ARHGAP26: variants seen among roughly 807,000 people sequenced by gnomAD.
ARHGAP26 encodes Rho GTPase activating protein 26.
In ARHGAP26, 38 loss-of-function variants were observed where a neutral mutation model predicts 104.8. The observed-to-expected ratio is 0.36, with a 90% CI of 0.28 to 0.48. The LOEUF is 0.48. Ranked by LOEUF, ARHGAP26 falls within the 20% of genes least tolerant of loss-of-function variation. The pLI, the probability that ARHGAP26 is intolerant of heterozygous loss-of-function variation, is 0.99. For synonymous variants in ARHGAP26, 341 were observed against 340.0 expected (o/e 1.00, Z -0.03); for missense variants, 704 against 947.9 (o/e 0.74, Z 3.38).
chr5:142,864,207 TGTCA>T (rs1753856075), intron 1 of ARHGAP26, among the ~76,000 whole-genome samples: 1 of 152,240 alleles, frequency 6.6e-6, no homozygotes, highest in East Asian at 1.9e-4. Context: ...CTGTGAACGC[TGTCA>T]GTCTCTTGTG....
At chr5:142,990,365 T>C (rs1598511221) in intron 11 of ARHGAP26, among the ~76,000 whole-genome samples, 2 of 152,328 alleles carry the variant, frequency 1.3e-5, no homozygotes, top group African/African-American at 2.4e-5. Flanking sequence ...CTAATCTTTT[T>C]TCAAGGTTTT....
chr5:142,942,798 G>A (rs1766555545), intron 11 of ARHGAP26, among the ~76,000 whole-genome samples: 1 of 151,990 alleles, frequency 6.6e-6, no homozygotes, highest in Non-Finnish European at 1.5e-5. Context: ...TTGTTGTTTT[G>A]GAGACAGAGT....
chr5:142,809,657 A>G (rs1031560532), intron 1 of ARHGAP26, among the ~76,000 whole-genome samples: 3 of 152,216 alleles, frequency 2.0e-5, no homozygotes, highest in African/African-American at 7.2e-5. Flanking sequence ...TTTCAAGCAG[A>G]TAGAGAGAAA....
chr5:143,057,383 C>T (rs1785981224), intron 16 of ARHGAP26, among the ~76,000 whole-genome samples: 1 of 152,126 alleles, frequency 6.6e-6, no homozygotes, highest in Non-Finnish European at 1.5e-5. Flanking sequence ...AGTTGACTGG[C>T]TCCATTTCAT....
chr5:143,088,299 C>T (rs894782158), intron 17 of ARHGAP26, among the ~76,000 whole-genome samples: 14 of 152,256 alleles, frequency 9.2e-5, no homozygotes, highest in Middle Eastern at 6.8e-3. Context: ...TCTTTGCTCA[C>T]GCTTTTGTTT....
intron 11 of ARHGAP26, among the ~76,000 whole-genome samples, chr5:142,966,290 C>T (rs1056939623): frequency 4.6e-5 from 7 of 152,146 alleles, no homozygotes; most frequent in Admixed American, 2.0e-4. Flanking sequence ...TTTGGAATTC[C>T]GTGACTAATT....
intron 1 of ARHGAP26, among the ~76,000 whole-genome samples, chr5:142,779,262 G>A (rs1372447831): frequency 2.0e-5 from 3 of 152,212 alleles, no homozygotes; most frequent in African/African-American, 7.2e-5. Context: ...AGAGGAAATG[G>A]TAAGGAAAAC....
intron 18 of ARHGAP26, among the ~76,000 whole-genome samples, chr5:143,133,129 C>T (rs1361602701): frequency 1.3e-5 from 2 of 151,994 alleles, no homozygotes; most frequent in African/African-American, 4.8e-5. Context: ...ATACTTTTAT[C>T]TGTAGAAATA....
intron 11 of ARHGAP26, among the ~76,000 whole-genome samples, chr5:143,006,788 C>G (rs1404881794): frequency 6.6e-6 from 1 of 152,176 alleles, no homozygotes; most frequent in Non-Finnish European, 1.5e-5. Context: ...GCTTCAGATT[C>G]AAACAATTCC....
intron 12 of ARHGAP26, among the ~76,000 whole-genome samples, chr5:143,025,677 G>T (rs146006656): frequency 4.6e-5 from 7 of 152,198 alleles, no homozygotes; most frequent in African/African-American, 1.7e-4. Context: ...GAATTTTAAG[G>T]TGGACTAGGA....
At chr5:143,057,791 GTTC>G in intron 17 of ARHGAP26, 44 bp downstream of exon 17, 1 of 1,514,346 alleles carries the variant, frequency 6.6e-7, no homozygotes, top group Non-Finnish European at 9.2e-7. Flanking sequence ...ACCCCTGAAA[GTTC>G]TTATCTTAGC....
intron 3 of ARHGAP26, 78 bp downstream of exon 3, chr5:142,875,249 T>C: frequency 7.2e-7 from 1 of 1,381,986 alleles, no homozygotes; most frequent in Middle Eastern, 1.8e-4. Context: ...TCAGAAGAAC[T>C]AGATTCAAAT....
intron 17 of ARHGAP26, among the ~76,000 whole-genome samples, chr5:143,095,149 T>C (rs1442627575): frequency 6.7e-6 from 1 of 150,104 alleles, no homozygotes; most frequent in Non-Finnish European, 1.5e-5. Context: ...ATATATTCAT[T>C]ATATATTACT....
chr5:142,922,420 G>C (rs568253085), intron 10 of ARHGAP26, among the ~76,000 whole-genome samples: 2 of 121,512 alleles, frequency 1.6e-5, no homozygotes, highest in African/African-American at 4.3e-5. Context: ...ATTGACAGAA[G>C]AGTGTGTGTG....
intron 1 of ARHGAP26, among the ~76,000 whole-genome samples, chr5:142,792,843 A>G (rs940899604): frequency 6.6e-6 from 1 of 152,204 alleles, no homozygotes; most frequent in Non-Finnish European, 1.5e-5. Context: ...ATCTTAATAA[A>G]TAGTAACATT....
At chr5:143,093,265 T>C (rs1007231001) in intron 17 of ARHGAP26, among the ~76,000 whole-genome samples, 6 of 152,132 alleles carry the variant, frequency 3.9e-5, no homozygotes, top group Non-Finnish European at 8.8e-5. Flanking sequence ...CAGTTGCCGC[T>C]ACAGGTTGAA....
At chr5:142,902,199 C>G (rs897393791) in intron 7 of ARHGAP26, among the ~76,000 whole-genome samples, 160 bp downstream of exon 7, 1 of 152,126 alleles carries the variant, frequency 6.6e-6, no homozygotes, top group African/African-American at 2.4e-5. Flanking sequence ...TTCTAGAGTG[C>G]TTGGTGGTTC....
chr5:142,887,491 C>T (rs1050810585), intron 5 of ARHGAP26, among the ~76,000 whole-genome samples: 7 of 152,216 alleles, frequency 4.6e-5, no homozygotes, highest in Admixed American at 3.3e-4. Flanking sequence ...GCCTGTTCCG[C>T]TCCATTTTCT....
chr5:143,133,004 T>A (rs939756528), intron 18 of ARHGAP26, among the ~76,000 whole-genome samples: 1 of 152,186 alleles, frequency 6.6e-6, no homozygotes, highest in African/African-American at 2.4e-5. Context: ...GTGAGCTACA[T>A]GAAAAGTACA....
Sources: allele counts gnomAD v4.1 joint callset (sites outside exome capture counted in the v4.1 genomes callset), GRCh38; gene constraint gnomAD v4.1.1; transcripts MANE v1.5; gene names NCBI Gene and HGNC (gene_info 2026-07-23, HGNC 2026-07-21).